Variants in ANKIB1 observed in about 807,000 individuals in gnomAD.
ANKIB1 encodes the protein ankyrin repeat and IBR domain-containing protein 1.
Under a neutral mutation model 122.1 loss-of-function variants are expected in ANKIB1, and 43 were observed. The ratio of observed to expected loss-of-function variants is 0.35; its 90% CI spans 0.28 to 0.45. ANKIB1 has a LOEUF of 0.45. Ranked by LOEUF, ANKIB1 falls within the 20% of genes least tolerant of loss-of-function variation. ANKIB1 has a pLI of 1.00. For synonymous variants in ANKIB1, 390 were observed against 442.0 expected (o/e 0.88, Z 1.48); for missense variants, 992 against 1,329.5 (o/e 0.75, Z 3.95).
At chr7:92,322,770 A>G (rs950226615) in intron 4 of ANKIB1, among the ~76,000 whole-genome samples, 2 of 152,196 alleles carry the variant, frequency 1.3e-5, no homozygotes, top group African/African-American at 4.8e-5. Flanking sequence ...TTTTACCTTT[A>G]AAAACAAGGC....
At chr7:92,353,622 A>G (rs1326783671) in intron 9 of ANKIB1, among the ~76,000 whole-genome samples, 2 of 152,202 alleles carry the variant, frequency 1.3e-5, no homozygotes, top group Non-Finnish European at 2.9e-5. Context: ...TTATGGAACT[A>G]TCCCTACCCT....
chr7:92,383,391 T>C (rs1804562767), intron 11 of ANKIB1, among the ~76,000 whole-genome samples: 1 of 152,200 alleles, frequency 6.6e-6, no homozygotes, highest in African/African-American at 2.4e-5. Context: ...ACTCATTTTA[T>C]GAGGCCAGCA....
At chr7:92,289,885 C>T (rs56236313) in intron 1 of ANKIB1, among the ~76,000 whole-genome samples, 84 of 152,310 alleles carry the variant, frequency 5.5e-4, no homozygotes, top group African/African-American at 1.8e-3. Context: ...AGCACTATCT[C>T]GGCTCACTGC....
intron 3 of ANKIB1, among the ~76,000 whole-genome samples, chr7:92,308,929 A>G: frequency 6.6e-6 from 1 of 152,328 alleles, no homozygotes; most frequent in South Asian, 2.1e-4. Context: ...ATTAAAATAT[A>G]TACCTGAAAA....
chr7:92,396,470 A>T lies in ANKIB1; in HGVS notation c.2389A>T (p.Thr797Ser), dbSNP rs774118648. Residue 797 changes from threonine to serine, a missense_variant, in exon 18 of 20, where the codon ACT becomes TCT. Transcript: ENST00000265742. ...AGACCCTGATGAGCCAAGTGAAAGC[A>T]CTTTAGGTAAGTCCTTGCATTGAGT... ...PPDPDEPSES[T>S]LDIPEGGSSS... 5.2e-6 allele frequency: 8 copies of T among 1,530,652 alleles called. No homozygotes were observed. Among genetic ancestry groups the T allele is most frequent in the Non-Finnish European group, 7.2e-6 (8 of 1,117,188 alleles). 94.8% of individuals were successfully genotyped at this position (1,530,652 alleles called of 1,614,324 possible).
intron 1 of ANKIB1, among the ~76,000 whole-genome samples, chr7:92,255,718 G>A (rs1182259280): frequency 6.6e-6 from 1 of 152,060 alleles, no homozygotes; most frequent in African/African-American, 2.4e-5. Context: ...CATAATAAAT[G>A]TGTCTTCAGG....
Position 92,361,672 on chromosome 7 carries a change from T to C in ANKIB1, c.1398-513T>C, listed in dbSNP as rs1803948587. The stretch of plus-strand genomic sequence containing the variant: ...AAGTATGTAAATGAATGTACTGATT[T>C]TTTTTTTAATAAAACTGGTCTAATG... On this transcript the variant is annotated intron_variant, in intron 9 of 19. Transcript: ENST00000265742. 2.6e-5 allele frequency among the ~76,000 whole-genome samples: 4 copies of C among 152,204 alleles called. No individual in the cohort carries two copies. The South Asian group carries it at 8.3e-4, about 32-fold the overall frequency.
intron 10 of ANKIB1, among the ~76,000 whole-genome samples, chr7:92,365,262 C>G (rs1248779098): frequency 6.6e-6 from 1 of 151,864 alleles, no homozygotes; most frequent in Admixed American, 6.6e-5. Flanking sequence ...AGGGGAAGGA[C>G]AAAGAAAGAG....
intron 17 of ANKIB1, among the ~76,000 whole-genome samples, chr7:92,394,475 T>C (rs1295206935): frequency 6.6e-6 from 1 of 152,236 alleles, no homozygotes; most frequent in Admixed American, 6.5e-5. Context: ...CGATTAGATA[T>C]ACAAGTTTCT....
At chr7:92,276,859 C>T (rs1472083583) in intron 1 of ANKIB1, among the ~76,000 whole-genome samples, 1 of 152,182 alleles carries the variant, frequency 6.6e-6, no homozygotes, top group Non-Finnish European at 1.5e-5. Context: ...TGGTTTGGAT[C>T]TGTGTCTCTA....
chr7:92,350,638 G>A (rs117392323), intron 7 of ANKIB1, among the ~76,000 whole-genome samples: 1,712 of 152,206 alleles, frequency 0.011, 25 homozygotes, highest in South Asian at 0.034. Flanking sequence ...CAGGAGAATC[G>A]CTTGAGACCA....
chr7:92,338,428 T>A lies in ANKIB1; in HGVS notation c.788-4596T>A, dbSNP rs536632304. ...AGCTAGACTTTGCCTCAAAAAAAAA[T>A]AAAAATTAAAAAAAGATTAGGAAAT... On this transcript the variant is annotated intron_variant, in intron 5 of 19. Coordinates refer to ENST00000265742, the MANE Select transcript of ANKIB1 (RefSeq NM_019004.2). 3.4e-4 allele frequency among the ~76,000 whole-genome samples: 49 copies of A among 145,670 alleles called. 1 individual carries two copies. In the East Asian group the frequency reaches 5.4e-3, roughly 16 times the overall value.
chr7:92,285,588 G>C, intron 1 of ANKIB1, among the ~76,000 whole-genome samples: 1 of 152,126 alleles, frequency 6.6e-6, no homozygotes, highest in South Asian at 2.1e-4. Flanking sequence ...TAAAAGACTT[G>C]CCAAGTTCTA....
rs192041773 is a variant in ANKIB1 at position 92,256,373 on chromosome 7, G to A, written c.-91+9854G>A. ...GTTATAGTAGAGAAAATTCAGTTGGGGGTGGGATCTGGAAGCAAGGGCCAC... is the reference window on the plus strand; with the variant it reads ...GTTATAGTAGAGAAAATTCAGTTGGAGGTGGGATCTGGAAGCAAGGGCCAC... On this transcript the variant is annotated intron_variant, in intron 1 of 19. Coordinates refer to ENST00000265742, the MANE Select transcript of ANKIB1 (RefSeq NM_019004.2). Among the ~76,000 whole-genome samples, 362 of 152,266 alleles carry A rather than the reference G, an allele frequency of 2.4e-3. 2 individuals carry two copies. The highest frequency in any genetic ancestry group is 8.2e-3 in the African/African-American group (340 of 41,542).
At chr7:92,386,126 C>G (rs1453336134) in intron 11 of ANKIB1, among the ~76,000 whole-genome samples, 1 of 152,092 alleles carries the variant, frequency 6.6e-6, no homozygotes, top group East Asian at 1.9e-4. Context: ...AGTTTCAAAA[C>G]CAATTTGTCA....
chr7:92,257,933 A>G (rs1459766119), intron 1 of ANKIB1, among the ~76,000 whole-genome samples: 1 of 152,204 alleles, frequency 6.6e-6, no homozygotes, highest in Non-Finnish European at 1.5e-5. Context: ...TTTCTGTAAG[A>G]GGTGTGTTTG....
At chr7:92,258,488 C>G (rs1304558825) in intron 1 of ANKIB1, among the ~76,000 whole-genome samples, 1 of 152,116 alleles carries the variant, frequency 6.6e-6, no homozygotes, top group Non-Finnish European at 1.5e-5. Flanking sequence ...CTAACAAGTT[C>G]CCAAGTGCTG....
At chr7:92,379,390 TA>T (rs778107729) in intron 11 of ANKIB1, among the ~76,000 whole-genome samples, 11 of 152,004 alleles carry the variant, frequency 7.2e-5, no homozygotes, top group Admixed American at 7.2e-4. Flanking sequence ...AGACTCCATC[TA>T]AAAAAAACTA....
intron 10 of ANKIB1, 105 bp from the exon 11 acceptor site, chr7:92,371,372 A>G (rs183107726): frequency 1.8e-5 from 17 of 946,928 alleles, no homozygotes; most frequent in Middle Eastern, 2.7e-4. Flanking sequence ...ATATTTTATT[A>G]AAATTGAGAG....
Sources: gnomAD v4.1 joint callset for allele counts (sites outside exome capture counted in the v4.1 genomes callset) on GRCh38, gnomAD v4.1.1 for gene constraint, MANE v1.5 for transcripts, NCBI Gene and HGNC (gene_info 2026-07-23, HGNC 2026-07-21) for gene names.